Variants in DNAI4 observed in about 807,000 individuals in gnomAD.
DNAI4 encodes the protein dynein axonemal intermediate chain 4.
Under a neutral mutation model 105.8 loss-of-function variants are expected in DNAI4, and 85 were observed. The observed-to-expected ratio is 0.80, with a 90% CI of 0.67 to 0.96. DNAI4 has a LOEUF of 0.96. Among genes scored for constraint, DNAI4 ranks in the 40% least tolerant of loss-of-function variants. DNAI4 has a pLI of 0.00. For missense variants in DNAI4, 1,014 were observed against 1,005.6 expected, an observed-to-expected ratio of 1.01 and a Z score of -0.11; for synonymous variants, 352 against 331.5, an observed-to-expected ratio of 1.06 and a Z score of -0.67.
At chr1:66,912,700 A>G (rs112327258) in intron 1 of DNAI4, among the ~76,000 whole-genome samples, 10 of 152,144 alleles carry the variant, frequency 6.6e-5, no homozygotes, top group African/African-American at 2.4e-4. Context: ...ACGGGCGCGC[A>G]TGCTCAACTT....
chr1:66,887,975 T>G (rs1647286147), intron 4 of DNAI4, among the ~76,000 whole-genome samples: 1 of 151,964 alleles, frequency 6.6e-6, no homozygotes, highest in Non-Finnish European at 1.5e-5. Context: ...AAAAATCTAC[T>G]ACTACCTAAT....
intron 3 of DNAI4, among the ~76,000 whole-genome samples, chr1:66,892,092 A>G (rs1262504930): frequency 6.6e-6 from 1 of 152,250 alleles, no homozygotes; most frequent in Non-Finnish European, 1.5e-5. Flanking sequence ...AAATAAATCA[A>G]TGGAAGAATC....
chr1:66,891,205 C>T lies in DNAI4; in HGVS notation c.592G>A (p.Glu198Lys). 6.2e-7 allele frequency: 1 copy of T among 1,613,900 alleles called. No individual in the cohort carries two copies. Among genetic ancestry groups the T allele is most frequent in the South Asian group, 1.1e-5 (1 of 91,076 alleles). ...TTATAGGATGGTTCTTCCAGGTCTT[C>T]TGCTATTGATTCACTTGCTGATACA... The part of the protein sequence containing the change: ...SSVSASESIA[E>K]DLEEPSYKRE... The change falls in exon 4 of 17, where the codon GAA (glutamate) becomes AAA (lysine). Residue 198 changes from glutamate to lysine, a missense_variant. By Grantham distance (56) the Glu-to-Lys change is moderately conservative. Coordinates refer to ENST00000371026, the MANE Select transcript of DNAI4 (RefSeq NM_024763.5).
At chr1:66,828,352 T>C (rs1645797645) in intron 13 of DNAI4, 1 of 152,230 alleles carries the variant, frequency 6.6e-6, no homozygotes, top group Non-Finnish European at 1.5e-5. Context: ...AATTATATGA[T>C]AAAGTATAAT....
chr1:66,819,064 T>G (rs1645574307), intron 16 of DNAI4, among the ~76,000 whole-genome samples: 1 of 152,220 alleles, frequency 6.6e-6, no homozygotes, highest in African/African-American at 2.4e-5. Flanking sequence ...CTGAAGAGGC[T>G]ATTTTAATTT....
intron 6 of DNAI4, among the ~76,000 whole-genome samples, chr1:66,869,885 T>C (rs1335109360): frequency 3.9e-5 from 6 of 152,108 alleles, no homozygotes; most frequent in African/African-American, 1.4e-4. Flanking sequence ...CCATGTATGG[T>C]TATTTACCAA....
At chr1:66,878,818 AC>A (rs975656154) in intron 4 of DNAI4, among the ~76,000 whole-genome samples, 4 of 152,002 alleles carry the variant, frequency 2.6e-5, no homozygotes, top group Non-Finnish European at 4.4e-5. Flanking sequence ...ATTAACCAAT[AC>A]CCCCATGGGA....
intron 7 of DNAI4, among the ~76,000 whole-genome samples, chr1:66,861,668 T>C (rs1382444245): frequency 2.0e-5 from 3 of 152,148 alleles, no homozygotes; most frequent in Non-Finnish European, 4.4e-5. Context: ...TACTGAAAGA[T>C]TTTTTGCAGT....
chr1:66,814,329 C>A, intron 16 of DNAI4, 149 bp from the exon 17 acceptor site: 1 of 608,248 alleles, frequency 1.6e-6, no homozygotes, highest in South Asian at 2.2e-5. Context: ...TAAGTTTAAA[C>A]AGTAATGGTT....
At chr1:66,839,101 A>C (rs935763026) in intron 9 of DNAI4, among the ~76,000 whole-genome samples, 20 of 152,192 alleles carry the variant, frequency 1.3e-4, no homozygotes, top group African/African-American at 3.9e-4. Flanking sequence ...TTCAGTTTCT[A>C]AAAATGTTTC....
At chr1:66,881,704 A>G (rs1647075146) in intron 4 of DNAI4, among the ~76,000 whole-genome samples, 1 of 152,146 alleles carries the variant, frequency 6.6e-6, no homozygotes, top group South Asian at 2.1e-4. Context: ...TGGACTTTTG[A>G]GTTAATGCTG....
intron 4 of DNAI4, among the ~76,000 whole-genome samples, chr1:66,875,998 A>G (rs1221476983): frequency 1.3e-5 from 2 of 152,184 alleles, no homozygotes; most frequent in Non-Finnish European, 2.9e-5. Context: ...AATATTATGC[A>G]GATAAACAAG....
intron 2 of DNAI4, among the ~76,000 whole-genome samples, chr1:66,898,312 C>T (rs1015588211): frequency 4.6e-5 from 7 of 151,996 alleles, no homozygotes; most frequent in Non-Finnish European, 1.0e-4. Context: ...GGCGTTGGGG[C>T]TACTGGGATG....
intron 15 of DNAI4, among the ~76,000 whole-genome samples, chr1:66,823,684 T>C (rs1223565234): frequency 6.1e-5 from 9 of 146,524 alleles, no homozygotes; most frequent in Non-Finnish European, 1.4e-4. Context: ...TTTTCATGTG[T>C]TTTTTGGCTG....
At position 66,813,917 on chromosome 1, in the gene DNAI4, G is replaced by T; in HGVS notation, c.*213C>A. On this transcript the variant is annotated 3_prime_UTR_variant, in exon 17 of 17. Coordinates refer to ENST00000371026, the MANE Select transcript of DNAI4 (RefSeq NM_024763.5). ...GTAGGAATATCTTTAGAAAAATTAA[G>T]AAAATTCCACTGAAACTCTTAAGAA... 1 of 443,030 alleles carries T rather than the reference G, an allele frequency of 2.3e-6. No homozygotes were observed. Among genetic ancestry groups the T allele is most frequent in the South Asian group, 4.6e-5 (1 of 21,634 alleles). The allele number at this position is 443,030 out of a possible 1,614,324, so 27.4% of individuals were successfully genotyped here.
intron 7 of DNAI4, among the ~76,000 whole-genome samples, chr1:66,856,326 A>T (rs759522761): frequency 6.6e-6 from 1 of 151,332 alleles, no homozygotes; most frequent in Non-Finnish European, 1.5e-5. Flanking sequence ...AAAAAAAAAT[A>T]GCCAGGCATG....
chr1:66,883,396 G>C (rs1647123636), intron 4 of DNAI4, among the ~76,000 whole-genome samples: 1 of 151,994 alleles, frequency 6.6e-6, no homozygotes, highest in Non-Finnish European at 1.5e-5. Flanking sequence ...TCCTGCTTCA[G>C]CTTCCCGAGT....
chr1:66,905,265 GT>G lies in DNAI4; in HGVS notation c.280del (p.Thr94ProfsTer8). ...TTTCAGTTCAGGTGGAATAAGCACG[GT>G]TTTGGACACAGCCATTCTGCTTTGA... ...ANQSRMAVSKTVLIPPELKTV... is the reference protein window; with the variant it reads ...ANQSRMAVSKXVLIPPELKTV... On this transcript the variant is annotated frameshift_variant, in exon 2 of 17. Transcript: ENST00000371026. LOFTEE classifies it high-confidence loss of function. The G allele has an allele frequency of 6.3e-7, 1 of 1,585,928 alleles. No individual in the cohort carries two copies. Among genetic ancestry groups the G allele is most frequent in the Non-Finnish European group, 8.6e-7 (1 of 1,160,978 alleles).
intron 16 of DNAI4, among the ~76,000 whole-genome samples, chr1:66,817,200 C>T (rs1423195011): frequency 1.3e-5 from 2 of 152,282 alleles, no homozygotes; most frequent in South Asian, 4.1e-4. Flanking sequence ...AGTATACAAA[C>T]AAGGCTACTA....
Sources: gnomAD v4.1 joint callset for allele counts (sites outside exome capture counted in the v4.1 genomes callset) on GRCh38, gnomAD v4.1.1 for gene constraint, MANE v1.5 for transcripts, NCBI Gene and HGNC (gene_info 2026-07-23, HGNC 2026-07-21) for gene names.